Variants in ZNF385D observed in about 807,000 individuals in gnomAD.
The protein encoded by ZNF385D is zinc finger protein 385D, also known as zinc finger protein 659.
Under a neutral mutation model 35.8 loss-of-function variants are expected in ZNF385D, and 15 were observed. That is an observed-to-expected ratio of 0.42 (90% CI 0.28 to 0.64). The LOEUF (loss-of-function observed/expected upper bound fraction) is 0.64, where lower values mean the gene tolerates loss of function less well. Ranked by LOEUF, ZNF385D falls within the 30% of genes least tolerant of loss-of-function variation. The probability of loss-of-function intolerance (pLI) is 0.23; values close to 1 mark genes in which losing one functional copy is unlikely to be tolerated. For missense variants in ZNF385D, 474 were observed against 494.6 expected, an observed-to-expected ratio of 0.96 and a Z score of 0.39; for synonymous variants, 212 against 186.8, an observed-to-expected ratio of 1.13 and a Z score of -1.10.
At chr3:21,883,416 A>T (rs983088156) in intron 3 of ZNF385D, among the ~76,000 whole-genome samples, 1 of 152,010 alleles carries the variant, frequency 6.6e-6, no homozygotes, top group Admixed American at 6.6e-5. Context: ...AATCAGTTAC[A>T]TATTCTGGGC....
At chr3:22,085,488 A>C (rs1204762167) in intron 3 of ZNF385D, among the ~76,000 whole-genome samples, 1 of 152,174 alleles carries the variant, frequency 6.6e-6, no homozygotes, top group African/African-American at 2.4e-5. Flanking sequence ...GAAATGGATA[A>C]ATTCCTCGAC....
At chr3:21,496,261 T>A (rs1183526409) in intron 4 of ZNF385D, among the ~76,000 whole-genome samples, 1 of 146,944 alleles carries the variant, frequency 6.8e-6, no homozygotes, top group Non-Finnish European at 1.5e-5. Flanking sequence ...AATATATATA[T>A]AATTTATATA....
intron 2 of ZNF385D, among the ~76,000 whole-genome samples, chr3:22,184,439 A>C (rs147214658): frequency 6.6e-6 from 1 of 152,308 alleles, no homozygotes; most frequent in African/African-American, 2.4e-5. Context: ...AATCTTCAAT[A>C]CTGTGTGTGC....
intron 1 of ZNF385D, among the ~76,000 whole-genome samples, chr3:21,698,387 G>GCTAAACAATGGAT (rs1461964152): frequency 8.6e-6 from 1 of 115,900 alleles, no homozygotes; most frequent in East Asian, 2.2e-4. Context: ...ATAATTTGGA[G>GCTAAACAATGGAT]CTAAACAATG....
At chr3:21,935,963 C>T (rs1215363163) in intron 3 of ZNF385D, among the ~76,000 whole-genome samples, 5 of 151,972 alleles carry the variant, frequency 3.3e-5, no homozygotes, top group African/African-American at 9.7e-5. Context: ...GTCCTAAGTG[C>T]AACAGAATAG....
At chr3:21,442,626 C>T (rs3849539) in intron 4 of ZNF385D, among the ~76,000 whole-genome samples, 48,077 of 151,184 alleles carry the variant, frequency 0.32, 9,074 homozygotes, top group African/African-American at 0.52. Context: ...CAGGAATGGC[C>T]TTGGCACTGG....
At chr3:21,537,124 CTTTTTTTTTTTT>C (rs35873199) in intron 3 of ZNF385D, among the ~76,000 whole-genome samples, 1 of 95,008 alleles carries the variant, frequency 1.1e-5, no homozygotes, top group African/African-American at 4.0e-5. Context: ...AAAATATCAA[CTTTTTTTTTTTT>C]TTTTTTTTTT....
chr3:21,650,431 T>G (rs376129095), intron 2 of ZNF385D, among the ~76,000 whole-genome samples: 1 of 152,080 alleles, frequency 6.6e-6, no homozygotes, highest in South Asian at 2.1e-4. Context: ...AGAAAGACCA[T>G]CTAAACCAGT....
Position 22,011,723 on chromosome 3 carries a change from G to A in ZNF385D, c.325+157094C>T, listed in dbSNP as rs1696586052. Among the ~76,000 whole-genome samples the A allele has an allele frequency of 1.3e-5, 2 of 152,004 alleles. 1 individual carries two copies. The highest frequency in any genetic ancestry group is 4.1e-4 in the South Asian group (2 of 4,824). On this transcript the variant is annotated intron_variant, in intron 3 of 5. Coordinates refer to the ZNF385D transcript ENST00000494108. ...TCATTTAATATTTACAATACTTTGAGGAAGGTGGGAAATTATTATTATCCC... is the reference window on the plus strand; with the variant it reads ...TCATTTAATATTTACAATACTTTGAAGAAGGTGGGAAATTATTATTATCCC...
intron 3 of ZNF385D, among the ~76,000 whole-genome samples, chr3:21,955,520 A>G (rs1279775765): frequency 2.0e-5 from 3 of 152,160 alleles, no homozygotes; most frequent in Non-Finnish European, 4.4e-5. Flanking sequence ...GAAGCTTAAG[A>G]AAGATCATTC....
intron 3 of ZNF385D, among the ~76,000 whole-genome samples, chr3:21,527,638 T>G (rs1016412335): frequency 8.5e-5 from 13 of 152,308 alleles, no homozygotes; most frequent in African/African-American, 3.1e-4. Context: ...ATTTTAAGAT[T>G]GACTTTCCTC....
chr3:22,295,942 G>A (rs1356466555), intron 2 of ZNF385D, among the ~76,000 whole-genome samples: 3 of 152,000 alleles, frequency 2.0e-5, no homozygotes, highest in Admixed American at 6.6e-5. Flanking sequence ...GGAGAAAGTC[G>A]ACAAGAATAG....
At chr3:22,047,967 T>C (rs894993761) in intron 3 of ZNF385D, among the ~76,000 whole-genome samples, 1 of 152,192 alleles carries the variant, frequency 6.6e-6, no homozygotes, top group African/African-American at 2.4e-5. Context: ...TAGCTCATTG[T>C]GGATTTAATT....
intron 2 of ZNF385D, among the ~76,000 whole-genome samples, chr3:22,333,800 C>T (rs1488500694): frequency 2.0e-5 from 3 of 152,194 alleles, no homozygotes; most frequent in African/African-American, 4.8e-5. Context: ...TGCAGACACC[C>T]AGCTTTCAGG....
chr3:21,715,712 C>A (rs184885586), intron 1 of ZNF385D, among the ~76,000 whole-genome samples: 1 of 152,124 alleles, frequency 6.6e-6, no homozygotes, highest in Admixed American at 6.5e-5. Flanking sequence ...TATAACTCAC[C>A]AAATTTCTAT....
intron 1 of ZNF385D, among the ~76,000 whole-genome samples, chr3:21,712,903 G>A (rs1401044437): frequency 6.6e-6 from 1 of 152,124 alleles, no homozygotes; most frequent in Non-Finnish European, 1.5e-5. Context: ...ACTCCTAACT[G>A]GCTTTAATGC....
chr3:22,074,315 A>G (rs1700365967), intron 3 of ZNF385D, among the ~76,000 whole-genome samples: 1 of 152,006 alleles, frequency 6.6e-6, no homozygotes, highest in South Asian at 2.1e-4. Context: ...CATAGTTACC[A>G]TAAACAGCCT....
rs1053794256 is a variant in ZNF385D at position 21,412,943 on chromosome 3, T to C, written c.*8271A>G. On this transcript the variant is annotated 3_prime_UTR_variant, in exon 8 of 8. Coordinates refer to ENST00000281523, the MANE Select transcript of ZNF385D (RefSeq NM_024697.3). Reference sequence around the variant, plus strand: ...ATCACATATCATGTAGGGTGAGAAATTGATGTTTGGGGAGATGTTATCACA... The same window carrying C: ...ATCACATATCATGTAGGGTGAGAAACTGATGTTTGGGGAGATGTTATCACA... 1 of 151,792 alleles carries C rather than the reference T, an allele frequency of 6.6e-6. No individual in the cohort carries two copies. Among genetic ancestry groups the C allele is most frequent in the African/African-American group, 2.4e-5 (1 of 41,322 alleles). The allele number at this position is 151,792 out of a possible 1,614,324, so 9.4% of individuals were successfully genotyped here. A position where few individuals can be genotyped will look rare whatever the true frequency, so the allele number is the denominator to read the frequency against.
intron 7 of ZNF385D, among the ~76,000 whole-genome samples, chr3:21,423,448 C>A (rs1476783151): frequency 6.6e-6 from 1 of 152,120 alleles, no homozygotes; most frequent in African/African-American, 2.4e-5. Flanking sequence ...AAATAATATA[C>A]CTGTTCATCA....
Sources: gnomAD v4.1 joint callset for allele counts (sites outside exome capture counted in the v4.1 genomes callset) on GRCh38, gnomAD v4.1.1 for gene constraint, MANE v1.5 for transcripts, NCBI Gene and HGNC (gene_info 2026-07-23, HGNC 2026-07-21) for gene names.